The following TMC2 variants were observed in gnomAD, a reference collection of about 807,000 sequenced individuals.
TMC2 encodes the protein transmembrane channel-like protein 2.
TMC2 carries 102 observed loss-of-function variants against 105.9 expected under a neutral mutation model. The observed-to-expected ratio is 0.96, with a 90% CI of 0.82 to 1.14. The LOEUF is 1.14. Among genes scored for constraint, TMC2 ranks in the 50% most tolerant of loss-of-function variants. The probability of loss-of-function intolerance (pLI) is 0.00; values close to 1 mark genes in which losing one functional copy is unlikely to be tolerated. For missense variants in TMC2, 1,093 were observed against 1,134.3 expected (o/e 0.96, Z 0.52); for synonymous variants, 402 against 422.8 (o/e 0.95, Z 0.60).
At position 2,592,507 on chromosome 20, in the gene TMC2, C is replaced by T. The variant is rs895436416; in HGVS notation, c.933+99C>T. On this transcript the variant is annotated intron_variant, in intron 8 of 19. Coordinates refer to ENST00000358864, the MANE Select transcript of TMC2 (RefSeq NM_080751.3). This position sits in a 1 kb window ranked among gnomAD's most constrained non-coding sequence, Gnocchi z 4.9. ...ATAGTGCGTTTAATTATTGAAAAAC[C>T]ATTGCTTTAATAGGATCCCAGCACT... 8.0e-6 allele frequency: 7 copies of T among 870,926 alleles called. No homozygotes were observed. The African/African-American group carries it at 9.9e-5, about 12-fold the overall frequency. 53.9% of individuals were successfully genotyped at this position (870,926 alleles called of 1,614,324 possible).
intron 17 of TMC2, among the ~76,000 whole-genome samples, chr20:2,631,358 T>G (rs1156673767): frequency 2.0e-5 from 3 of 152,226 alleles, no homozygotes; most frequent in Non-Finnish European, 4.4e-5. Context: ...CCTTTACTAG[T>G]GCTCTTTATT....
Position 2,558,616 on chromosome 20 carries a change from A to G in TMC2, c.243A>G (p.Glu81=), listed in dbSNP as rs1405584265. 2 of 1,560,702 alleles carry G rather than the reference A, an allele frequency of 1.3e-6. No homozygotes were observed. The highest frequency in any genetic ancestry group is 2.7e-5 in the African/African-American group (2 of 73,624). The change falls in exon 3 of 20, where the codon GAA becomes GAG. Residue 81 remains glutamate, a synonymous_variant. Transcript: ENST00000358864. This position sits in a 1 kb window ranked among gnomAD's most constrained non-coding sequence, Gnocchi z 4.6. ...RKQTGRRRHR[E]ELGEQERGEA... ...AAACAGGGCGCAGGAGACACAGAGAAGAGCTGGGGGAGCAGGAGCGGGGCG... is the reference window on the plus strand; with the variant it reads ...AAACAGGGCGCAGGAGACACAGAGAGGAGCTGGGGGAGCAGGAGCGGGGCG...
At chr20:2,583,911 T>A (rs980233090) in intron 7 of TMC2, among the ~76,000 whole-genome samples, 1 of 152,204 alleles carries the variant, frequency 6.6e-6, no homozygotes, top group African/African-American at 2.4e-5. Flanking sequence ...AACAGTGAGA[T>A]AATAATTGTG....
At chr20:2,551,819 C>A (rs2122812720) in intron 2 of TMC2, among the ~76,000 whole-genome samples, 1 of 152,346 alleles carries the variant, frequency 6.6e-6, no homozygotes, top group Admixed American at 6.5e-5. Flanking sequence ...GCTCTCTATT[C>A]CATCCCATTG....
chr20:2,566,563 G>A (rs2086065903), intron 4 of TMC2, among the ~76,000 whole-genome samples: 1 of 152,134 alleles, frequency 6.6e-6, no homozygotes, highest in South Asian at 2.1e-4. Context: ...TACCCAAACT[G>A]CTTTCTTTCT....
At chr20:2,557,517 A>G (rs921397797) in intron 2 of TMC2, among the ~76,000 whole-genome samples, 1 of 152,000 alleles carries the variant, frequency 6.6e-6, no homozygotes, top group Non-Finnish European at 1.5e-5. Context: ...TAACATATTA[A>G]TCAGTTATTT....
At chr20:2,615,160 A>G (rs1600132305) in intron 14 of TMC2, among the ~76,000 whole-genome samples, 1 of 152,146 alleles carries the variant, frequency 6.6e-6, no homozygotes, top group East Asian at 1.9e-4. Flanking sequence ...CATCTCTACT[A>G]AAAATACAAG....
At chr20:2,565,901 G>T (rs374234210) in intron 4 of TMC2, among the ~76,000 whole-genome samples, 1 of 152,122 alleles carries the variant, frequency 6.6e-6, no homozygotes, top group East Asian at 1.9e-4. Flanking sequence ...TTAGCCGGGC[G>T]TGGTGGTGTG....
chr20:2,603,427 A>G (rs1314278063), intron 11 of TMC2, among the ~76,000 whole-genome samples: 3 of 152,256 alleles, frequency 2.0e-5, no homozygotes, highest in Non-Finnish European at 2.9e-5. Context: ...AAGTCTAAAT[A>G]TATCAGTGAT....
At chr20:2,564,601 A>T (rs1436524838) in intron 4 of TMC2, among the ~76,000 whole-genome samples, 1 of 152,154 alleles carries the variant, frequency 6.6e-6, no homozygotes, top group East Asian at 1.9e-4. Flanking sequence ...ACAGTGGAAA[A>T]AGTGCAGCCT....
intron 11 of TMC2, 130 bp from the exon 12 acceptor site, chr20:2,610,289 C>T: frequency 1.2e-6 from 1 of 835,126 alleles, no homozygotes; most frequent in Non-Finnish European, 1.9e-6. Context: ...GCTGTGTAGA[C>T]CCCAGGGCAT....
chr20:2,619,410 G>C (rs1190557387), intron 16 of TMC2, among the ~76,000 whole-genome samples: 3 of 152,148 alleles, frequency 2.0e-5, no homozygotes, highest in African/African-American at 7.2e-5. Flanking sequence ...CCTACATAAA[G>C]AGTAATACAT....
intron 1 of TMC2, 39 bp from the exon 2 acceptor site, chr20:2,537,230 C>T: frequency 6.3e-7 from 1 of 1,577,266 alleles, no homozygotes; most frequent in South Asian, 1.2e-5. Context: ...GGGGACTCAC[C>T]AGAGGCCAGC....
At chr20:2,569,716 A>G (rs747895474) in intron 4 of TMC2, among the ~76,000 whole-genome samples, 7 of 152,336 alleles carry the variant, frequency 4.6e-5, no homozygotes, top group Admixed American at 1.3e-4. Flanking sequence ...GAAGTCCAGC[A>G]TGGCATGGCT....
intron 10 of TMC2, among the ~76,000 whole-genome samples, chr20:2,598,234 A>G (rs968566669): frequency 6.6e-6 from 1 of 151,282 alleles, no homozygotes; most frequent in Admixed American, 6.6e-5. Context: ...GGTAGTTGGA[A>G]AATAACAAAG....
chr20:2,545,812 A>G (rs1249042576), intron 2 of TMC2, among the ~76,000 whole-genome samples: 4 of 146,510 alleles, frequency 2.7e-5, no homozygotes, highest in Admixed American at 1.4e-4. Flanking sequence ...AAGAAGAAGA[A>G]GAGGAAGAGG....
At chr20:2,602,577 C>T (rs2146224579) in intron 11 of TMC2, among the ~76,000 whole-genome samples, 1 of 152,352 alleles carries the variant, frequency 6.6e-6, no homozygotes, top group Non-Finnish European at 1.5e-5. Flanking sequence ...CCTTTCCTCA[C>T]AGCTTTGCAG....
chr20:2,541,646 CAAA>C (rs765976017), intron 2 of TMC2, among the ~76,000 whole-genome samples: 1 of 76,906 alleles, frequency 1.3e-5, no homozygotes, highest in Non-Finnish European at 2.9e-5. Flanking sequence ...GTCTCAAAAC[CAAA>C]AAAAAAAAAA....
At chr20:2,557,445 A>T (rs755386631) in intron 2 of TMC2, among the ~76,000 whole-genome samples, 1 of 152,042 alleles carries the variant, frequency 6.6e-6, no homozygotes, top group Admixed American at 6.6e-5. Flanking sequence ...TAGAGTTTCA[A>T]TCTCTTTGAT....
Sources: gnomAD v4.1 joint callset for allele counts (sites outside exome capture counted in the v4.1 genomes callset) on GRCh38, gnomAD v4.1.1 for gene constraint, Gnocchi (gnomAD v3.1) non-coding constraint, MANE v1.5 for transcripts, NCBI Gene and HGNC (gene_info 2026-07-23, HGNC 2026-07-21) for gene names.